Variants in HSD3B1 observed in about 807,000 individuals in gnomAD.
HSD3B1 encodes hydroxy-delta-5-steroid dehydrogenase, 3 beta- and steroid delta-isomerase 1.
Under a neutral mutation model 10.4 loss-of-function variants are expected in HSD3B1, and 11 were observed. That is an observed-to-expected ratio of 1.05 (90% CI 0.66 to 1.75). The LOEUF is 1.75. Among genes scored for constraint, HSD3B1 ranks in the 40% most tolerant of loss-of-function variants. The pLI is 0.00. For missense variants in HSD3B1, 490 were observed against 454.5 expected, an observed-to-expected ratio of 1.08 and a Z score of -0.71; for synonymous variants, 217 against 185.4, an observed-to-expected ratio of 1.17 and a Z score of -1.39.
intron 3 of HSD3B1, among the ~76,000 whole-genome samples, chr1:119,513,308 G>C (rs56850733): frequency 2.0e-5 from 3 of 152,088 alleles, no homozygotes; most frequent in Non-Finnish European, 4.4e-5. Flanking sequence ...CCAGCAAAAT[G>C]AGAAAAGTAC....
At chr1:119,510,641 A>G (rs587737507) in intron 2 of HSD3B1, among the ~76,000 whole-genome samples, 2 of 143,790 alleles carry the variant, frequency 1.4e-5, no homozygotes, top group East Asian at 2.1e-4. Flanking sequence ...TCCATTTTAT[A>G]TCCTCAAGCC....
intron 2 of HSD3B1, among the ~76,000 whole-genome samples, chr1:119,509,625 C>G (rs1653881454): frequency 6.6e-6 from 1 of 152,186 alleles, no homozygotes; most frequent in African/African-American, 2.4e-5. Context: ...CCCACATCAC[C>G]ACCAGCAGCC....
At chr1:119,512,516 A>T (rs1371482179) in intron 3 of HSD3B1, among the ~76,000 whole-genome samples, 1 of 151,676 alleles carries the variant, frequency 6.6e-6, no homozygotes. Flanking sequence ...GGCCCTCCGC[A>T]TTTAGTCTAC....
In HSD3B1 at chr1:119,514,849, T is replaced by C; in HGVS notation, c.*204T>C. Reference sequence around the variant, plus strand: ...AACAAGAAGGTTTCTGTCCTAATCATATACCAGAGGAAAGACCATGTGGTT... The same window carrying C: ...AACAAGAAGGTTTCTGTCCTAATCACATACCAGAGGAAAGACCATGTGGTT... On this transcript the variant is annotated 3_prime_UTR_variant, in exon 4 of 4. Coordinates refer to ENST00000369413, the MANE Select transcript of HSD3B1 (RefSeq NM_000862.3). The C allele has an allele frequency of 1.6e-6, 1 of 620,546 alleles. No homozygotes were observed. The highest frequency in any genetic ancestry group is 2.8e-6 in the Non-Finnish European group (1 of 352,354). The allele number at this position is 620,546 out of a possible 1,614,324, so 38.4% of individuals were successfully genotyped here.
chr1:119,510,420 G>A (rs1653899020), intron 2 of HSD3B1, among the ~76,000 whole-genome samples: 1 of 152,180 alleles, frequency 6.6e-6, no homozygotes, highest in African/African-American at 2.4e-5. Flanking sequence ...GCAGGAAACT[G>A]TAGGGGTGAT....
chr1:119,514,665 T>A lies in HSD3B1; in HGVS notation c.*20T>A, dbSNP rs374863003. On this transcript the variant is annotated 3_prime_UTR_variant, in exon 4 of 4. Coordinates refer to ENST00000369413, the MANE Select transcript of HSD3B1 (RefSeq NM_000862.3). ...CAGTGATTTAAGGATGACAGAGATG[T>A]GCATGTGGGTATTGTTAGGAGATGT... The A allele has an allele frequency of 7.4e-6, 12 of 1,611,044 alleles. No individual in the cohort carries two copies. The African/African-American group carries it at 1.3e-4, about 18-fold the overall frequency.
rs587607443 is a variant in HSD3B1, at chr1:119,514,149, A to G, written c.626A>G (p.Asn209Ser). The change falls in exon 4 of 4, where the codon AAT becomes AGT. Residue 209 changes from asparagine to serine, a missense_variant. Coordinates refer to ENST00000369413, the MANE Select transcript of HSD3B1 (RefSeq NM_000862.3). Reference sequence around the variant, plus strand: ...AGTATAAACGAGGCCCTGAACAACAATGGGATCCTGTCAAGTGTTGGAAAG... The same window carrying G: ...AGTATAAACGAGGCCCTGAACAACAGTGGGATCCTGTCAAGTGTTGGAAAG... Reference protein sequence around the residue: ...SASINEALNNNGILSSVGKFS... With the variant: ...SASINEALNNSGILSSVGKFS... 149 of 1,614,044 alleles carry G rather than the reference A, an allele frequency of 9.2e-5. 1 individual carries two copies. The highest frequency in any genetic ancestry group is 6.6e-4 in the Middle Eastern group (4 of 6,062).
rs1341313345 is a variant in HSD3B1, at chr1:119,511,932, G to A, written c.310+265G>A. 1.6e-4 allele frequency: 69 copies of A among 421,728 alleles called. No individual in the cohort carries two copies. The Admixed American group carries it at 2.4e-3, about 14-fold the overall frequency. The allele number at this position is 421,728 out of a possible 1,614,324, so 26.1% of individuals were successfully genotyped here. On this transcript the variant is annotated intron_variant, in intron 3 of 3. Coordinates refer to ENST00000369413, the MANE Select transcript of HSD3B1 (RefSeq NM_000862.3). ...AGAGTTAGACTTTAAACTCATCCCT[G>A]TGTGACTCCAAAGGCTCTTTCTACT...
chr1:119,513,267 G>GA (rs1178215351), intron 3 of HSD3B1, among the ~76,000 whole-genome samples: 1 of 152,166 alleles, frequency 6.6e-6, no homozygotes, highest in Non-Finnish European at 1.5e-5. Flanking sequence ...GTGACTCCAG[G>GA]ATGGTCCTTG....
chr1:119,507,274 T>A lies in HSD3B1; in HGVS notation c.-86+12T>A. 1 of 568,828 alleles carries A rather than the reference T, an allele frequency of 1.8e-6. No homozygotes were observed. Among genetic ancestry groups the A allele is most frequent in the Non-Finnish European group, 3.2e-6 (1 of 317,402 alleles). The allele number at this position is 568,828 out of a possible 1,614,324, so 35.2% of individuals were successfully genotyped here. A position where few individuals can be genotyped will look rare whatever the true frequency, so the allele number is the denominator to read the frequency against. The stretch of plus-strand genomic sequence containing the variant: ...CAATCTAACTAATGGTTAGAGATTT[T>A]TCATTTTCTTTCAGCTACTCCTGCA... On this transcript the variant is annotated intron_variant, in intron 1 of 3. Transcript: ENST00000369413.
intron 2 of HSD3B1, 59 bp downstream of exon 2, chr1:119,507,680 G>A: frequency 6.5e-7 from 1 of 1,549,216 alleles, no homozygotes; most frequent in Non-Finnish European, 8.9e-7. Context: ...TGTATGTGGG[G>A]GGAGATGGAC....
intron 3 of HSD3B1, among the ~76,000 whole-genome samples, chr1:119,513,213 G>C (rs1483884372): frequency 1.3e-5 from 2 of 152,234 alleles, no homozygotes; most frequent in East Asian, 1.9e-4. Context: ...CAATCAGGAA[G>C]AGTGTGGGTT....
intron 2 of HSD3B1, among the ~76,000 whole-genome samples, chr1:119,509,470 T>G (rs1345317853): frequency 6.6e-6 from 1 of 152,202 alleles, no homozygotes; most frequent in African/African-American, 2.4e-5. Context: ...GGAAGAGTCC[T>G]TTTCTCTCAG....
Position 119,515,033 on chromosome 1 carries a change from C to A in HSD3B1, c.*388C>A, listed in dbSNP as rs587616510. ...CCTTCACATAGTTTGATAAAAAGAT[C>A]AATAAATGTTTGAATGTTTAATGTG... On this transcript the variant is annotated 3_prime_UTR_variant, in exon 4 of 4. Coordinates refer to ENST00000369413, the MANE Select transcript of HSD3B1 (RefSeq NM_000862.3). 8.6e-6 allele frequency: 2 copies of A among 231,650 alleles called. No individual in the cohort carries two copies. The highest frequency in any genetic ancestry group is 1.7e-5 in the Non-Finnish European group (2 of 118,294). 14.3% of individuals were successfully genotyped at this position (231,650 alleles called of 1,614,324 possible). A position where few individuals can be genotyped will look rare whatever the true frequency, so the allele number is the denominator to read the frequency against.
At chr1:119,511,336 T>C (rs1653930898) in intron 2 of HSD3B1, among the ~76,000 whole-genome samples, 167 bp from the exon 3 acceptor site, 1 of 152,234 alleles carries the variant, frequency 6.6e-6, no homozygotes, top group Non-Finnish European at 1.5e-5. Flanking sequence ...TTGATACACA[T>C]GCTGATTTCT....
chr1:119,507,786 T>C, intron 2 of HSD3B1, 165 bp downstream of exon 2: 1 of 689,748 alleles, frequency 1.4e-6, no homozygotes, highest in Non-Finnish European at 2.4e-6. Flanking sequence ...TAAAATGGCA[T>C]AGTATGAAAG....
chr1:119,508,777 C>T (rs1570876891), intron 2 of HSD3B1, among the ~76,000 whole-genome samples: 1 of 152,236 alleles, frequency 6.6e-6, no homozygotes, highest in South Asian at 2.1e-4. Context: ...CACAGAGAAT[C>T]CCCCACTTGA....
chr1:119,512,340 C>A (rs1351691523), intron 3 of HSD3B1, among the ~76,000 whole-genome samples: 5 of 152,174 alleles, frequency 3.3e-5, no homozygotes, highest in Non-Finnish European at 7.3e-5. Flanking sequence ...AAAGTGCACC[C>A]TCATTTAATC....
Position 119,507,398 on chromosome 1 carries a change from C to T in HSD3B1, c.-79C>T, listed in dbSNP as rs1018482732. On this transcript the variant is annotated 5_prime_UTR_variant, in exon 2 of 4. Transcript: ENST00000369413. ...ATTTGACATCTCTTTTTAGCCCTCT[C>T]CAGGGTCACCCTAGAATCAGATCTG... 6.7e-7 allele frequency: 1 copy of T among 1,488,530 alleles called. No homozygotes were observed. Among genetic ancestry groups the T allele is most frequent in the Admixed American group, 1.7e-5 (1 of 59,112 alleles). 92.2% of individuals were successfully genotyped at this position (1,488,530 alleles called of 1,614,324 possible). A position where few individuals can be genotyped will look rare whatever the true frequency, so the allele number is the denominator to read the frequency against.
Sources: allele counts gnomAD v4.1 joint callset (sites outside exome capture counted in the v4.1 genomes callset), GRCh38; gene constraint gnomAD v4.1.1; transcripts MANE v1.5; gene names NCBI Gene and HGNC (gene_info 2026-07-23, HGNC 2026-07-21).